CAMK2D: variants seen among roughly 807,000 people sequenced by gnomAD.
CAMK2D encodes calcium/calmodulin-dependent protein kinase type II subunit delta.
In CAMK2D, 37 loss-of-function variants were observed where a neutral mutation model predicts 84.0. The observed-to-expected ratio is 0.44, with a 90% CI of 0.34 to 0.58. The LOEUF is 0.58. CAMK2D is among the 20% of genes least tolerant of loss of function. The pLI, the probability that CAMK2D is intolerant of heterozygous loss-of-function variation, is 0.02. For missense variants in CAMK2D, 448 were observed against 652.5 expected (o/e 0.69, Z 3.41); for synonymous variants, 202 against 212.5 (o/e 0.95, Z 0.43).
chr4:113,760,537 G>A (rs1328349867), intron 1 of CAMK2D, among the ~76,000 whole-genome samples: 2 of 152,168 alleles, frequency 1.3e-5, no homozygotes, highest in Non-Finnish European at 2.9e-5. Flanking sequence ...GGCACCGTCT[G>A]AGGCTGTGAG....
At chr4:113,522,271 A>G (rs1157266837) in intron 8 of CAMK2D, among the ~76,000 whole-genome samples, 1 of 152,228 alleles carries the variant, frequency 6.6e-6, no homozygotes, top group Admixed American at 6.5e-5. Context: ...AGAATCTAAG[A>G]CAGTTACTGA....
chr4:113,590,468 A>C (rs1445536511), intron 4 of CAMK2D, among the ~76,000 whole-genome samples: 1 of 152,186 alleles, frequency 6.6e-6, no homozygotes, highest in Non-Finnish European at 1.5e-5. Context: ...ATAAGAAATT[A>C]CAGTGAAAGT....
intron 4 of CAMK2D, among the ~76,000 whole-genome samples, chr4:113,596,881 A>G (rs1025112515): frequency 1.3e-5 from 2 of 149,698 alleles, no homozygotes; most frequent in African/African-American, 2.5e-5. Context: ...GTGCAGTGGC[A>G]TGATCTCAGC....
intron 4 of CAMK2D, among the ~76,000 whole-genome samples, chr4:113,594,573 C>G (rs949051644): frequency 3.9e-5 from 6 of 152,088 alleles, no homozygotes; most frequent in African/African-American, 1.4e-4. Flanking sequence ...GATGAATATT[C>G]TAAGAAAGAA....
intron 2 of CAMK2D, among the ~76,000 whole-genome samples, chr4:113,718,230 ATT>A (rs2099519445): frequency 6.6e-6 from 1 of 152,144 alleles, no homozygotes; most frequent in Non-Finnish European, 1.5e-5. Flanking sequence ...CCAGAGTTTT[ATT>A]ATTACTCAAA....
At chr4:113,555,098 A>G (rs1349544452) in intron 4 of CAMK2D, among the ~76,000 whole-genome samples, 1 of 152,236 alleles carries the variant, frequency 6.6e-6, no homozygotes, top group Non-Finnish European at 1.5e-5. Flanking sequence ...TTTCTAGTGT[A>G]CAATTTGCAA....
At chr4:113,747,747 T>G (rs1279694011) in intron 2 of CAMK2D, among the ~76,000 whole-genome samples, 2 of 152,162 alleles carry the variant, frequency 1.3e-5, no homozygotes, top group Non-Finnish European at 2.9e-5. Flanking sequence ...TATTCCTCTC[T>G]TATCACCTGT....
chr4:113,455,619 C>T, intron 20 of CAMK2D, 107 bp downstream of exon 20: 1 of 599,512 alleles, frequency 1.7e-6, no homozygotes, highest in Non-Finnish European at 2.9e-6. Flanking sequence ...GTGCGTTTTT[C>T]ATTGAATATT....
chr4:113,546,136 T>A (rs1285575354), intron 6 of CAMK2D, among the ~76,000 whole-genome samples: 1 of 152,106 alleles, frequency 6.6e-6, no homozygotes, highest in Admixed American at 6.6e-5. Context: ...TAACATGGAG[T>A]AAAATGTTTC....
chr4:113,700,857 C>T (rs1328385641), intron 2 of CAMK2D, among the ~76,000 whole-genome samples: 1 of 152,150 alleles, frequency 6.6e-6, no homozygotes, highest in Non-Finnish European at 1.5e-5. Flanking sequence ...TGAAGGGTAT[C>T]CTTCCTACCC....
chr4:113,709,348 T>C (rs1268949917), intron 2 of CAMK2D, among the ~76,000 whole-genome samples: 3 of 152,046 alleles, frequency 2.0e-5, no homozygotes, highest in African/African-American at 4.8e-5. Flanking sequence ...AACTTAAATA[T>C]ATTAATATTC....
At chr4:113,652,291 G>T (rs1399080845) in intron 3 of CAMK2D, among the ~76,000 whole-genome samples, 1 of 152,136 alleles carries the variant, frequency 6.6e-6, no homozygotes, top group Non-Finnish European at 1.5e-5. Flanking sequence ...AATAACTAAT[G>T]CATGGAAAAC....
chr4:113,729,734 T>C (rs1321754990), intron 2 of CAMK2D, among the ~76,000 whole-genome samples: 1 of 152,116 alleles, frequency 6.6e-6, no homozygotes, highest in African/African-American at 2.4e-5. Context: ...GTTGGGGCCT[T>C]TGGAAGGTGA....
At chr4:113,743,928 C>G (rs961489620) in intron 2 of CAMK2D, among the ~76,000 whole-genome samples, 1 of 152,014 alleles carries the variant, frequency 6.6e-6, no homozygotes, top group African/African-American at 2.4e-5. Context: ...GCAAGCTCTG[C>G]CTTCCAGGTT....
At chr4:113,683,170 GTGA>G (rs1354011559) in intron 2 of CAMK2D, among the ~76,000 whole-genome samples, 1 of 152,090 alleles carries the variant, frequency 6.6e-6, no homozygotes, top group East Asian at 1.9e-4. Context: ...CATTTAATTG[GTGA>G]TCTCAACTCC....
chr4:113,714,487 C>T (rs1298105420), intron 2 of CAMK2D, among the ~76,000 whole-genome samples: 1 of 152,022 alleles, frequency 6.6e-6, no homozygotes, highest in Non-Finnish European at 1.5e-5. Context: ...ACATGTTGAT[C>T]ATTTTGAGCT....
chr4:113,469,968 T>C (rs2097527666), intron 16 of CAMK2D, among the ~76,000 whole-genome samples: 1 of 152,166 alleles, frequency 6.6e-6, no homozygotes. Context: ...CTGCAACCAA[T>C]TTTGCTCTTC....
At chr4:113,611,544 G>T (rs1415458794) in intron 3 of CAMK2D, among the ~76,000 whole-genome samples, 1 of 152,144 alleles carries the variant, frequency 6.6e-6, no homozygotes, top group Non-Finnish European at 1.5e-5. Context: ...GGGATCTCAG[G>T]TGTCCAGATC....
At chr4:113,534,786 C>T (rs1404689012) in intron 7 of CAMK2D, among the ~76,000 whole-genome samples, 2 of 152,112 alleles carry the variant, frequency 1.3e-5, no homozygotes, top group Non-Finnish European at 2.9e-5. Context: ...TATAACAGTC[C>T]TGTGAAGAAG....
Sources: gnomAD v4.1 joint callset for allele counts (sites outside exome capture counted in the v4.1 genomes callset) on GRCh38, gnomAD v4.1.1 for gene constraint, MANE v1.5 for transcripts, NCBI Gene and HGNC (gene_info 2026-07-23, HGNC 2026-07-21) for gene names.